Variants in HSD17B11 observed in about 807,000 individuals in gnomAD.
The protein encoded by HSD17B11 is estradiol 17-beta-dehydrogenase 11.
HSD17B11 carries 22 observed loss-of-function variants against 27.8 expected under a neutral mutation model. The ratio of observed to expected loss-of-function variants is 0.79; its 90% CI spans 0.56 to 1.13. HSD17B11 has a LOEUF of 1.13. HSD17B11 is among the 50% of genes most tolerant of loss of function. The pLI, the probability that HSD17B11 is intolerant of heterozygous loss-of-function variation, is 0.00. For missense variants in HSD17B11, 314 were observed against 351.1 expected (o/e 0.89, Z 0.84); for synonymous variants, 117 against 132.8 (o/e 0.88, Z 0.82).
At chr4:87,373,718 C>CA (rs568447347) in intron 3 of HSD17B11, among the ~76,000 whole-genome samples, 165 of 151,108 alleles carry the variant, frequency 1.1e-3, no homozygotes, top group African/African-American at 3.9e-3. Flanking sequence ...CAAACAACAA[C>CA]AAAAAAAGAG....
intron 6 of HSD17B11, among the ~76,000 whole-genome samples, chr4:87,340,152 C>A (rs1414890395): frequency 6.6e-6 from 1 of 152,162 alleles, no homozygotes; most frequent in Admixed American, 6.6e-5. Flanking sequence ...ATACCTAAAA[C>A]CTAACTCTGG....
intron 2 of HSD17B11, among the ~76,000 whole-genome samples, chr4:87,376,812 T>C (rs1735835320): frequency 6.6e-6 from 1 of 152,128 alleles, no homozygotes; most frequent in South Asian, 2.1e-4. Flanking sequence ...CTAAGAGCAA[T>C]AGAAGGCATC....
chr4:87,374,221 C>T (rs1735774841), intron 3 of HSD17B11: 1 of 153,172 alleles, frequency 6.5e-6, no homozygotes, highest in Non-Finnish European at 1.5e-5. Flanking sequence ...CTTGAGGGGG[C>T]TGAGGTGGGA....
At chr4:87,385,166 C>T (rs1006455244) in intron 1 of HSD17B11, among the ~76,000 whole-genome samples, 3 of 152,132 alleles carry the variant, frequency 2.0e-5, no homozygotes, top group South Asian at 2.1e-4. Context: ...TTATTTTGCT[C>T]TCCTATACTT....
At chr4:87,360,284 G>C (rs1221224729) in intron 4 of HSD17B11, among the ~76,000 whole-genome samples, 1 of 152,186 alleles carries the variant, frequency 6.6e-6, no homozygotes, top group African/African-American at 2.4e-5. Flanking sequence ...CCAAAGCACA[G>C]GTTAACTGGT....
At chr4:87,347,289 C>G (rs1481459688) in intron 5 of HSD17B11, among the ~76,000 whole-genome samples, 2 of 61,626 alleles carry the variant, frequency 3.2e-5, no homozygotes, top group South Asian at 5.1e-4. Flanking sequence ...CCGACCCCAC[C>G]ACAGTCCCCA....
At chr4:87,363,400 A>G (rs1217014986) in intron 4 of HSD17B11, among the ~76,000 whole-genome samples, 2 of 152,226 alleles carry the variant, frequency 1.3e-5, no homozygotes, top group Non-Finnish European at 2.9e-5. Context: ...TGTGCTATGA[A>G]TTCGTTTTTC....
chr4:87,357,949 A>ATT (rs57139706), intron 4 of HSD17B11, among the ~76,000 whole-genome samples: 1,385 of 80,090 alleles, frequency 0.017, 210 homozygotes, highest in South Asian at 0.024. Context: ...CATTAGAGAA[A>ATT]TTTTTTTTTT....
chr4:87,355,974 A>T (rs1029957349), intron 5 of HSD17B11, among the ~76,000 whole-genome samples: 2 of 152,214 alleles, frequency 1.3e-5, no homozygotes, highest in Admixed American at 6.5e-5. Flanking sequence ...AAGTGAGCTG[A>T]TGCCATGAAA....
At position 87,337,239 on chromosome 4, in the gene HSD17B11, C is replaced by G; in HGVS notation, c.*37G>C. ...TCTGGCACTATTAGATGACATCAACCTAAACCTGGTAAATCAGTTTTCAGA... is the reference window on the plus strand; with the variant it reads ...TCTGGCACTATTAGATGACATCAACGTAAACCTGGTAAATCAGTTTTCAGA... On this transcript the variant is annotated 3_prime_UTR_variant, in exon 7 of 7. Coordinates refer to ENST00000358290, the MANE Select transcript of HSD17B11 (RefSeq NM_016245.5). 7.7e-7 allele frequency: 1 copy of G among 1,299,366 alleles called. No homozygotes were observed. Among genetic ancestry groups the G allele is most frequent in the Non-Finnish European group, 1.1e-6 (1 of 894,886 alleles). The allele number at this position is 1,299,366 out of a possible 1,614,324, so 80.5% of individuals were successfully genotyped here.
At chr4:87,370,653 G>A (rs953152580) in intron 4 of HSD17B11, among the ~76,000 whole-genome samples, 10 of 151,056 alleles carry the variant, frequency 6.6e-5, no homozygotes, top group Non-Finnish European at 1.5e-4. Flanking sequence ...TCTTGACCTC[G>A]TGATCCGCTT....
At chr4:87,368,503 T>C (rs540735098) in intron 4 of HSD17B11, among the ~76,000 whole-genome samples, 1 of 152,190 alleles carries the variant, frequency 6.6e-6, no homozygotes, top group African/African-American at 2.4e-5. Context: ...CTGCAACTCT[T>C]AGGATTAAGA....
At chr4:87,354,924 G>A (rs960484549) in intron 5 of HSD17B11, among the ~76,000 whole-genome samples, 1 of 144,234 alleles carries the variant, frequency 6.9e-6, no homozygotes, top group Non-Finnish European at 1.5e-5. Flanking sequence ...AGACCAGCCT[G>A]GGCAAACAGC....
intron 1 of HSD17B11, among the ~76,000 whole-genome samples, chr4:87,383,023 T>C (rs540774757): frequency 3.6e-4 from 55 of 152,294 alleles, no homozygotes; most frequent in South Asian, 1.0e-3. Flanking sequence ...CAGAGTTCTA[T>C]ACAGGGAGTT....
intron 5 of HSD17B11, among the ~76,000 whole-genome samples, chr4:87,343,610 C>T (rs75945060): frequency 0.055 from 8,088 of 148,298 alleles, 697 homozygotes; most frequent in African/African-American, 0.19. Context: ...TGCAGTGGCA[C>T]GATCTCAGCT....
At chr4:87,354,448 C>A (rs1735342920) in intron 5 of HSD17B11, among the ~76,000 whole-genome samples, 1 of 151,694 alleles carries the variant, frequency 6.6e-6, no homozygotes, top group African/African-American at 2.4e-5. Context: ...TTGAGCCCAG[C>A]CTGTGCAACA....
chr4:87,364,414 G>T (rs569973257), intron 4 of HSD17B11, among the ~76,000 whole-genome samples: 2 of 152,198 alleles, frequency 1.3e-5, no homozygotes, highest in East Asian at 3.9e-4. Context: ...GGGGGAGGGG[G>T]GTTATCAGCA....
chr4:87,363,403 C>A (rs1219664919), intron 4 of HSD17B11, among the ~76,000 whole-genome samples: 1 of 152,176 alleles, frequency 6.6e-6, no homozygotes, highest in East Asian at 1.9e-4. Context: ...GCTATGAATT[C>A]GTTTTTCCGT....
In HSD17B11 at chr4:87,357,468, G is replaced by A. The variant is rs772041785; in HGVS notation, c.558-52C>T. On this transcript the variant is annotated intron_variant, in intron 4 of 6. Coordinates refer to ENST00000358290, the MANE Select transcript of HSD17B11 (RefSeq NM_016245.5). ...TTCAAGAATTCTGAAATGTCTGCCT[G>A]TTTTCCTCAGTTCAGCATGGTCCTC... is the stretch of plus-strand genomic sequence containing the variant. 5 of 1,545,342 alleles carry A rather than the reference G, an allele frequency of 3.2e-6. No homozygotes were observed. In the South Asian group the frequency reaches 4.8e-5, roughly 15 times the overall value.
Sources: allele counts gnomAD v4.1 joint callset (sites outside exome capture counted in the v4.1 genomes callset), GRCh38; gene constraint gnomAD v4.1.1; transcripts MANE v1.5; gene names NCBI Gene and HGNC (gene_info 2026-07-23, HGNC 2026-07-21).